Variants in CPM observed in about 807,000 individuals in gnomAD.
The protein encoded by CPM is renal carboxypeptidase.
Under a neutral mutation model 46.4 loss-of-function variants are expected in CPM, and 35 were observed. That is an observed-to-expected ratio of 0.75 (90% CI 0.58 to 1.00). The LOEUF is 1.00. Ranked by LOEUF, CPM falls within the 50% of genes least tolerant of loss-of-function variation. The pLI is 0.00. For synonymous variants in CPM, 195 were observed against 195.3 expected (o/e 1.00, Z 0.01); for missense variants, 422 against 530.4 (o/e 0.80, Z 2.01).
intron 2 of CPM, among the ~76,000 whole-genome samples, chr12:68,928,581 C>G (rs1888367725): frequency 6.6e-6 from 1 of 152,126 alleles, no homozygotes; most frequent in Non-Finnish European, 1.5e-5. Context: ...ATGTCTTAAA[C>G]TATTTACTAC....
upstream of CPM, among the ~76,000 whole-genome samples, chr12:68,934,122 C>T (rs1888622579): frequency 6.6e-6 from 1 of 152,032 alleles, no homozygotes; most frequent in African/African-American, 2.4e-5. Context: ...CTCTCCCCTT[C>T]CCTCTCTCCC....
intron 1 of CPM, among the ~76,000 whole-genome samples, chr12:68,947,577 A>G (rs1357521834): frequency 6.6e-6 from 1 of 151,774 alleles, no homozygotes; most frequent in Non-Finnish European, 1.5e-5. Flanking sequence ...AGCCTGGGCA[A>G]CAGAGTAAGA....
At chr12:68,861,233 CG>C (rs1565766491) in intron 7 of CPM, among the ~76,000 whole-genome samples, 2 of 151,870 alleles carry the variant, frequency 1.3e-5, no homozygotes, top group African/African-American at 4.8e-5. Flanking sequence ...TGTGGTGTGG[CG>C]GGGGGAGAAT....
Position 68,914,429 on chromosome 12 carries a change from C to T in CPM, c.160+18249G>A, listed in dbSNP as rs927303619. On this transcript the variant is annotated intron_variant, in intron 2 of 8. Transcript: ENST00000551568. ...TCGGCAGTGGCATTGCTTTCATTTTCCCATTCTCTTTGCTGCTCTTGAATG... is the reference window on the plus strand; with the variant it reads ...TCGGCAGTGGCATTGCTTTCATTTTTCCATTCTCTTTGCTGCTCTTGAATG... Among the ~76,000 whole-genome samples, 17 of 152,324 alleles carry T rather than the reference C, an allele frequency of 1.1e-4. No individual in the cohort carries two copies. The South Asian group carries it at 1.7e-3, about 15-fold the overall frequency.
At chr12:68,875,201 A>G (rs751485073) in intron 3 of CPM, among the ~76,000 whole-genome samples, 15 of 151,970 alleles carry the variant, frequency 9.9e-5, no homozygotes, top group Non-Finnish European at 2.1e-4. Flanking sequence ...AAATACAAAA[A>G]TTAGCCGGGC....
chr12:68,862,588 C>T (rs1433927104), intron 7 of CPM, among the ~76,000 whole-genome samples: 1 of 139,370 alleles, frequency 7.2e-6, no homozygotes, highest in Non-Finnish European at 1.6e-5. Context: ...CTGGGGTATG[C>T]GAATATCACT....
At chr12:68,957,736 C>T (rs1242860640) in intron 1 of CPM, 1 of 151,780 alleles carries the variant, frequency 6.6e-6, no homozygotes, top group African/African-American at 2.4e-5. Context: ...TACATGTGCA[C>T]AATGTGCAGG....
intron 1 of CPM, among the ~76,000 whole-genome samples, chr12:68,940,416 T>A (rs7975288): frequency 0.028 from 4,191 of 150,928 alleles, 149 homozygotes; most frequent in African/African-American, 0.083. Context: ...ATGGCCCTAG[T>A]GATCCCCTGT....
rs936298872 is a variant in CPM at position 68,855,391 on chromosome 12, G to A, written c.*1046C>T. 6 of 152,304 alleles carry A rather than the reference G, an allele frequency of 3.9e-5. No individual in the cohort carries two copies. The highest frequency in any genetic ancestry group is 8.8e-5 in the Non-Finnish European group (6 of 68,148). The allele number at this position is 152,304 out of a possible 1,614,324, so 9.4% of individuals were successfully genotyped here. ...GTGGGCAGTGGGACGCGAGTCTGAA[G>A]CTCAGGCAAGAGGCTAGAGTTACAT... On this transcript the variant is annotated 3_prime_UTR_variant, in exon 9 of 9. Transcript: ENST00000551568.
At position 68,876,913 on chromosome 12, in the gene CPM, T is replaced by TGA. The variant is rs1885978912; in HGVS notation, c.259-4958_259-4957insTC. Among the ~76,000 whole-genome samples, 9 of 128,120 alleles carry TGA rather than the reference T, an allele frequency of 7.0e-5. No homozygotes were observed. The South Asian group carries it at 2.4e-3, about 34-fold the overall frequency. 84.1% of individuals were successfully genotyped at this position (128,120 alleles called of 152,430 possible). On this transcript the variant is annotated intron_variant, in intron 3 of 8. Coordinates refer to ENST00000551568, the MANE Select transcript of CPM (RefSeq NM_198320.5). ...GCATGCGTGTGTGTGTGTGTGTGTG[T>TGA]GTGTGTGAGAGAGAGAGAGAGAGAG...
intron 2 of CPM, among the ~76,000 whole-genome samples, chr12:68,918,109 A>C (rs1887884628): frequency 6.6e-6 from 1 of 152,150 alleles, no homozygotes; most frequent in Non-Finnish European, 1.5e-5. Flanking sequence ...GGTACTCCCC[A>C]AAACAACTGC....
intron 3 of CPM, among the ~76,000 whole-genome samples, chr12:68,885,002 G>A (rs561181569): frequency 1.0e-3 from 154 of 152,266 alleles, no homozygotes; most frequent in African/African-American, 3.6e-3. Flanking sequence ...GGAGAGCAGT[G>A]GCACGATCTT....
In CPM at chr12:68,860,756, C is replaced by T. The variant is rs376771756; in HGVS notation, c.941-1685G>A. ...CTAGTTCTCAAGTCACTGAACATTC[C>T]CAAGCCTCAATTTTATCACCTATGA... is the stretch of plus-strand genomic sequence containing the variant. On this transcript the variant is annotated intron_variant, in intron 7 of 8. Transcript: ENST00000551568. Among the ~76,000 whole-genome samples, 4 of 152,306 alleles carry T rather than the reference C, an allele frequency of 2.6e-5. No individual in the cohort carries two copies. The South Asian group carries it at 6.2e-4, about 24-fold the overall frequency.
At chr12:68,962,837 T>C (rs1889144871) in intron 1 of CPM, among the ~76,000 whole-genome samples, 2 of 152,232 alleles carry the variant, frequency 1.3e-5, no homozygotes, top group South Asian at 4.1e-4. Context: ...TTCCTTTCTA[T>C]TGATAATAAC....
rs555764046 is a variant in CPM at position 68,897,820 on chromosome 12, T to C, written c.161-11931A>G. 1.4e-4 allele frequency among the ~76,000 whole-genome samples: 22 copies of C among 152,002 alleles called. No individual in the cohort carries two copies. In the South Asian group the frequency reaches 4.6e-3, roughly 32 times the overall value. On this transcript the variant is annotated intron_variant, in intron 2 of 8. Transcript: ENST00000551568. ...ATTTGAGGTTTCTTTTTTTACAGTATGTCATGGACATTCCGGTTCAGTGTT... is the reference window on the plus strand; with the variant it reads ...ATTTGAGGTTTCTTTTTTTACAGTACGTCATGGACATTCCGGTTCAGTGTT...
intron 1 of CPM, among the ~76,000 whole-genome samples, chr12:68,952,779 G>A (rs1347210886): frequency 2.0e-5 from 3 of 152,220 alleles, no homozygotes; most frequent in Non-Finnish European, 2.9e-5. Flanking sequence ...ATGATTCCAT[G>A]GAGGTTTCAT....
Position 68,866,813 on chromosome 12 carries a change from A to AG in CPM, c.940+82dup. 14 of 1,157,666 alleles carry AG rather than the reference A, an allele frequency of 1.2e-5. No homozygotes were observed. The South Asian group carries it at 2.0e-4, about 16-fold the overall frequency. 71.7% of individuals were successfully genotyped at this position (1,157,666 alleles called of 1,614,324 possible). ...GGCTATAACTACAAAGCATAAATAA[A>AG]GGCTTGCGTTTAGTCAACCCAGAGG... On this transcript the variant is annotated intron_variant, in intron 7 of 8. Transcript: ENST00000551568.
In CPM at chr12:68,932,727, T is replaced by C. The variant is rs369604369; in HGVS notation, c.111A>G (p.Gln37=). 6.8e-6 allele frequency: 11 copies of C among 1,614,038 alleles called. No individual in the cohort carries two copies. The highest frequency in any genetic ancestry group is 9.3e-6 in the Non-Finnish European group (11 of 1,180,024). ...GTAAGTGAGTGACAGAACTGTAGTTTTGGGCAACAGTCTTCAAAAACGCTT... is the reference window on the plus strand; with the variant it reads ...GTAAGTGAGTGACAGAACTGTAGTTCTGGGCAACAGTCTTCAAAAACGCTT... ...GMEAFLKTVA[Q]NYSSVTHLHS... is the part of the protein sequence containing the mutation. The change falls in exon 2 of 9, where the codon CAA becomes CAG. Residue 37 remains glutamine, a synonymous_variant. Transcript: ENST00000551568.
At chr12:68,902,620 C>T (rs1592677962) in intron 2 of CPM, among the ~76,000 whole-genome samples, 1 of 152,162 alleles carries the variant, frequency 6.6e-6, no homozygotes, top group African/African-American at 2.4e-5. Flanking sequence ...GGAAATCATA[C>T]CTGCTTAAAA....
Sources: allele counts gnomAD v4.1 joint callset (sites outside exome capture counted in the v4.1 genomes callset), GRCh38; gene constraint gnomAD v4.1.1; transcripts MANE v1.5; gene names NCBI Gene and HGNC (gene_info 2026-07-23, HGNC 2026-07-21).